The following PCDH9 variants were observed in gnomAD, a reference collection of about 807,000 sequenced individuals.
PCDH9 encodes the protein protocadherin-9.
In PCDH9, 24 loss-of-function variants were observed where a neutral mutation model predicts 70.6. The ratio of observed to expected loss-of-function variants is 0.34; its 90% CI spans 0.25 to 0.48. The LOEUF (loss-of-function observed/expected upper bound fraction) is 0.48. PCDH9 is among the 20% of genes least tolerant of loss of function. PCDH9 has a pLI of 0.99. For synonymous variants in PCDH9, 562 were observed against 558.5 expected, an observed-to-expected ratio of 1.01 and a Z score of -0.09; for missense variants, 1,281 against 1,503.6, an observed-to-expected ratio of 0.85 and a Z score of 2.45.
At chr13:66,904,326 A>C (rs2082325126) in intron 2 of PCDH9, among the ~76,000 whole-genome samples, 1 of 151,976 alleles carries the variant, frequency 6.6e-6, no homozygotes. Context: ...AGTTTTCCAT[A>C]TTCCTCACAC....
intron 4 of PCDH9, among the ~76,000 whole-genome samples, chr13:66,410,961 G>C (rs997139955): frequency 5.3e-5 from 8 of 152,136 alleles, no homozygotes; most frequent in Non-Finnish European, 1.0e-4. Context: ...AGTGCTGACA[G>C]AATTCTCTAA....
At chr13:66,461,412 T>C (rs1314967523) in intron 4 of PCDH9, among the ~76,000 whole-genome samples, 1 of 151,728 alleles carries the variant, frequency 6.6e-6, no homozygotes, top group Non-Finnish European at 1.5e-5. Context: ...TGAATGCAGA[T>C]AAGTGATTAG....
intron 4 of PCDH9, among the ~76,000 whole-genome samples, chr13:66,611,310 A>G (rs1483295683): frequency 6.6e-6 from 1 of 152,216 alleles, no homozygotes; most frequent in Non-Finnish European, 1.5e-5. Flanking sequence ...AATTATGACT[A>G]ATTACAAAGA....
At chr13:66,724,502 G>A (rs1274242645) in intron 3 of PCDH9, among the ~76,000 whole-genome samples, 1 of 152,128 alleles carries the variant, frequency 6.6e-6, no homozygotes, top group Non-Finnish European at 1.5e-5. Context: ...GCAAGAGAAT[G>A]AAGGTGCAAA....
chr13:66,346,867 T>C (rs1306838740), intron 4 of PCDH9, among the ~76,000 whole-genome samples: 1 of 152,176 alleles, frequency 6.6e-6, no homozygotes, highest in Non-Finnish European at 1.5e-5. Flanking sequence ...ACAAACACTC[T>C]AAGTATTTGT....
chr13:66,467,340 C>T (rs1958534422), intron 4 of PCDH9, among the ~76,000 whole-genome samples: 1 of 152,066 alleles, frequency 6.6e-6, no homozygotes, highest in Admixed American at 6.6e-5. Context: ...GACAAGACTG[C>T]TCCCGGTTTC....
intron 4 of PCDH9, among the ~76,000 whole-genome samples, chr13:66,624,558 T>C (rs1348524789): frequency 6.6e-6 from 1 of 152,216 alleles, no homozygotes; most frequent in East Asian, 1.9e-4. Flanking sequence ...TTGGGCACCC[T>C]ACAGGCAGAA....
chr13:66,412,654 C>A (rs1957390557), intron 4 of PCDH9, among the ~76,000 whole-genome samples: 1 of 152,128 alleles, frequency 6.6e-6, no homozygotes, highest in Non-Finnish European at 1.5e-5. Flanking sequence ...GATAATTGAA[C>A]AATGCTATTA....
intron 2 of PCDH9, among the ~76,000 whole-genome samples, chr13:67,098,559 ATTTATG>A (rs1181480726): frequency 6.6e-6 from 1 of 152,172 alleles, no homozygotes; most frequent in East Asian, 1.9e-4. Context: ...TTCTGATTAT[ATTTATG>A]TAACCAAAAA....
At chr13:66,889,870 G>A (rs961249311) in intron 3 of PCDH9, among the ~76,000 whole-genome samples, 2 of 152,158 alleles carry the variant, frequency 1.3e-5, no homozygotes, top group Admixed American at 1.3e-4. Context: ...GAAAAAATAG[G>A]ACAATTCCTT....
intron 3 of PCDH9, among the ~76,000 whole-genome samples, chr13:66,788,580 G>A (rs770092307): frequency 6.6e-6 from 1 of 150,980 alleles, no homozygotes; most frequent in Non-Finnish European, 1.5e-5. Flanking sequence ...CTAGCTCACT[G>A]ACTTCCACTC....
intron 4 of PCDH9, among the ~76,000 whole-genome samples, chr13:66,441,700 T>TTTATATTTATATTTATG (rs1957976934): frequency 6.6e-6 from 1 of 152,034 alleles, no homozygotes; most frequent in South Asian, 2.1e-4. Context: ...TATATTTATG[T>TTTATATTTATATTTATG]TTTATTACTT....
rs144123477 is a variant in PCDH9, at chr13:67,069,507, C to G, written c.3036+155898G>C. Among the ~76,000 whole-genome samples the G allele has an allele frequency of 1.2e-3, 179 of 152,174 alleles. 1 individual carries two copies. The East Asian group carries it at 0.014, about 11-fold the overall frequency. On this transcript the variant is annotated intron_variant, in intron 2 of 4. Transcript: ENST00000377865. ...ACAAAATAAAAGAAAACCTTTACAT[C>G]GAAACCATAGGGTAATAGGATTACG...
intron 2 of PCDH9, among the ~76,000 whole-genome samples, chr13:67,099,391 A>G (rs1339765488): frequency 6.6e-6 from 1 of 152,338 alleles, no homozygotes; most frequent in African/African-American, 2.4e-5. Context: ...CAATTTGTAA[A>G]TATGCAAATT....
chr13:66,862,358 G>A (rs961735057), intron 3 of PCDH9, among the ~76,000 whole-genome samples: 2 of 152,110 alleles, frequency 1.3e-5, no homozygotes, highest in Non-Finnish European at 2.9e-5. Context: ...GTGGGTGTAG[G>A]GTTGTAAAGC....
chr13:66,952,943 T>G (rs191990161), intron 2 of PCDH9, among the ~76,000 whole-genome samples: 36 of 152,320 alleles, frequency 2.4e-4, no homozygotes, highest in Admixed American at 2.0e-3. Flanking sequence ...TCAGAAAAAT[T>G]TGTGTTCTTA....
At chr13:66,567,662 C>A (rs569581517) in intron 4 of PCDH9, among the ~76,000 whole-genome samples, 1 of 152,284 alleles carries the variant, frequency 6.6e-6, no homozygotes, top group African/African-American at 2.4e-5. Context: ...TGAAACACAG[C>A]TTACCACCAT....
At chr13:66,943,483 G>A (rs2139686625) in intron 2 of PCDH9, among the ~76,000 whole-genome samples, 1 of 151,884 alleles carries the variant, frequency 6.6e-6, no homozygotes, top group Non-Finnish European at 1.5e-5. Flanking sequence ...TTTTTCTAGT[G>A]GTAATTCTAG....
chr13:66,703,671 G>A (rs910279952), intron 3 of PCDH9, among the ~76,000 whole-genome samples: 3 of 152,116 alleles, frequency 2.0e-5, no homozygotes, highest in Non-Finnish European at 2.9e-5. Flanking sequence ...AAGGTGTGAG[G>A]ATGGCTTGAG....
Sources: allele counts gnomAD v4.1 joint callset (sites outside exome capture counted in the v4.1 genomes callset), GRCh38; gene constraint gnomAD v4.1.1; transcripts MANE v1.5; gene names NCBI Gene and HGNC (gene_info 2026-07-23, HGNC 2026-07-21).